Variants in NPAS3 observed in about 807,000 individuals in gnomAD.
The protein encoded by NPAS3 is neuronal PAS domain-containing protein 3.
In NPAS3, 14 loss-of-function variants were observed where a neutral mutation model predicts 73.1. The ratio of observed to expected loss-of-function variants is 0.19; its 90% confidence interval spans 0.13 to 0.30. The LOEUF is 0.30. NPAS3 is among the 10% of genes least tolerant of loss of function. The probability of loss-of-function intolerance (pLI) is 1.00; values close to 1 mark genes in which losing one functional copy is unlikely to be tolerated. For missense variants in NPAS3, 1,096 were observed against 1,250.0 expected (o/e 0.88, Z 1.86); for synonymous variants, 620 against 541.5 (o/e 1.14, Z -2.01).
chr14:33,364,830 GC>G (rs1406826075), intron 3 of NPAS3, among the ~76,000 whole-genome samples: 1 of 151,764 alleles, frequency 6.6e-6, no homozygotes, highest in African/African-American at 2.4e-5. Flanking sequence ...AGGCATTTGA[GC>G]AGCTTTATGT....
exon 11 of NPAS3, chr14:33,797,535 G>A (rs372904565): frequency 8.2e-5 from 132 of 1,613,814 alleles, no homozygotes; most frequent in Non-Finnish European, 1.1e-4. Flanking sequence ...AATCCTCGGA[G>A]ACATCCGACT....
chr14:33,405,674 T>G (rs1206656597), intron 4 of NPAS3, among the ~76,000 whole-genome samples: 1 of 152,102 alleles, frequency 6.6e-6, no homozygotes, highest in Non-Finnish European at 1.5e-5. Context: ...CAAATCCCAT[T>G]TAAAAAAAAT....
At chr14:33,777,970 T>C (rs2062873121) in intron 8 of NPAS3, among the ~76,000 whole-genome samples, 1 of 152,252 alleles carries the variant, frequency 6.6e-6, no homozygotes, top group African/African-American at 2.4e-5. Flanking sequence ...ATTTAAATTA[T>C]ATCCCTTGAA....
chr14:33,168,508 A>C (rs1171679135), intron 2 of NPAS3, among the ~76,000 whole-genome samples: 1 of 152,162 alleles, frequency 6.6e-6, no homozygotes, highest in African/African-American at 2.4e-5. Context: ...AAAGCTTTTG[A>C]GCTTACTTGG....
At chr14:33,690,135 A>G (rs1307973716) in intron 6 of NPAS3, among the ~76,000 whole-genome samples, 1 of 152,126 alleles carries the variant, frequency 6.6e-6, no homozygotes, top group African/African-American at 2.4e-5. Flanking sequence ...GGTCTCCGCA[A>G]CCCATGGCTC....
At chr14:33,669,736 C>T (rs1394019551) in intron 5 of NPAS3, among the ~76,000 whole-genome samples, 1 of 152,116 alleles carries the variant, frequency 6.6e-6, no homozygotes, top group Non-Finnish European at 1.5e-5. Flanking sequence ...GCTGCATTTT[C>T]TTCTTTATTT....
At chr14:33,039,332 AT>A (rs1387244652) in intron 1 of NPAS3, among the ~76,000 whole-genome samples, 1 of 152,214 alleles carries the variant, frequency 6.6e-6, no homozygotes, top group Non-Finnish European at 1.5e-5. Flanking sequence ...CCTAATTTCC[AT>A]TATATTCACT....
intron 7 of NPAS3, among the ~76,000 whole-genome samples, chr14:33,743,176 C>G (rs887974725): frequency 1.5e-4 from 23 of 152,168 alleles, no homozygotes; most frequent in African/African-American, 5.5e-4. Context: ...TTTCTTTGCC[C>G]AGATTCATCA....
At chr14:33,317,798 TA>T (rs1457844048) in intron 3 of NPAS3, among the ~76,000 whole-genome samples, 1 of 152,100 alleles carries the variant, frequency 6.6e-6, no homozygotes, top group African/African-American at 2.4e-5. Flanking sequence ...GGTGTGTCTT[TA>T]TTAGCAGCAT....
intron 3 of NPAS3, among the ~76,000 whole-genome samples, chr14:33,291,259 A>G (rs1219667740): frequency 6.6e-6 from 1 of 152,152 alleles, no homozygotes; most frequent in Non-Finnish European, 1.5e-5. Flanking sequence ...AGAGAGAAGC[A>G]TTATTGAGGT....
intron 4 of NPAS3, among the ~76,000 whole-genome samples, chr14:33,548,687 G>T (rs1225644478): frequency 2.0e-5 from 3 of 152,176 alleles, no homozygotes; most frequent in Non-Finnish European, 4.4e-5. Flanking sequence ...ATTGTTTTGT[G>T]GCAATCTATT....
chr14:33,230,922 A>G (rs2047827412), intron 3 of NPAS3, among the ~76,000 whole-genome samples: 1 of 152,178 alleles, frequency 6.6e-6, no homozygotes. Flanking sequence ...ATGTATACTA[A>G]TGAAAAACAC....
chr14:33,254,996 ACTT>A (rs1404838327), intron 3 of NPAS3, among the ~76,000 whole-genome samples: 1 of 152,102 alleles, frequency 6.6e-6, no homozygotes, highest in Admixed American at 6.6e-5. Flanking sequence ...ACCCAGTCTT[ACTT>A]CTTTTCTCAT....
At chr14:33,433,536 T>C (rs2139174188) in intron 4 of NPAS3, among the ~76,000 whole-genome samples, 1 of 152,292 alleles carries the variant, frequency 6.6e-6, no homozygotes, top group Admixed American at 6.5e-5. Flanking sequence ...AACTTTGAAA[T>C]GGGCTGCTGG....
At chr14:33,487,909 T>C (rs1473049177) in intron 4 of NPAS3, among the ~76,000 whole-genome samples, 1 of 152,214 alleles carries the variant, frequency 6.6e-6, no homozygotes, top group South Asian at 2.1e-4. Flanking sequence ...GATACACTTA[T>C]ATCTGTCTTT....
In NPAS3 at chr14:33,728,228, C is replaced by T. The variant is rs78321639; in HGVS notation, c.734-6986C>T. ...AACCTCATGCATTACAATTCTCATT[C>T]GAGACAGGCCAGATAGTCCCAGGGA... On this transcript the variant is annotated intron_variant, in intron 6 of 11. Transcript: ENST00000356141. Among the ~76,000 whole-genome samples, 27 of 152,318 alleles carry T rather than the reference C, an allele frequency of 1.8e-4. No homozygotes were observed. The East Asian group carries it at 4.2e-3, about 24-fold the overall frequency.
rs1449531157 is a variant in NPAS3, at chr14:33,788,252, C to G, written c.1154-5645C>G. On this transcript the variant is annotated intron_variant, in intron 9 of 11. Coordinates refer to ENST00000356141, the Ensembl canonical transcript of NPAS3. ...GAGTCTGTAGCAGAAGGCACCTGCT[C>G]TCCGTTCTCCGCGGCCACTGACGAA... Among the ~76,000 whole-genome samples, 3 of 152,304 alleles carry G rather than the reference C, an allele frequency of 2.0e-5. No homozygotes were observed. The East Asian group carries it at 5.8e-4, about 29-fold the overall frequency.
At chr14:33,028,575 AATTTAT>A (rs1176988541) in intron 1 of NPAS3, among the ~76,000 whole-genome samples, 4 of 152,138 alleles carry the variant, frequency 2.6e-5, no homozygotes, top group Admixed American at 6.5e-5. Context: ...GACTCTGTGG[AATTTAT>A]ATTTATATAA....
chr14:33,579,179 T>C (rs1017337597), intron 5 of NPAS3, among the ~76,000 whole-genome samples: 1 of 152,244 alleles, frequency 6.6e-6, no homozygotes, highest in Non-Finnish European at 1.5e-5. Flanking sequence ...ACCTCCCTGA[T>C]GGAGAGGCGA....
Sources: allele counts gnomAD v4.1 joint callset (sites outside exome capture counted in the v4.1 genomes callset), GRCh38; gene constraint gnomAD v4.1.1; transcripts MANE v1.5; gene names NCBI Gene and HGNC (gene_info 2026-07-23, HGNC 2026-07-21).